Variants in SUPV3L1 observed in about 807,000 individuals in gnomAD.
SUPV3L1 encodes Suv3 like RNA helicase, also known as ATP-dependent RNA helicase SUPV3L1, mitochondrial.
Under a neutral mutation model 70.0 loss-of-function variants are expected in SUPV3L1, and 35 were observed. The ratio of observed to expected loss-of-function variants is 0.50; its 90% CI spans 0.38 to 0.66. SUPV3L1 has a LOEUF of 0.66. SUPV3L1 is among the 30% of genes least tolerant of loss of function. The pLI is 0.00. For synonymous variants in SUPV3L1, 364 were observed against 341.9 expected (o/e 1.06, Z -0.71); for missense variants, 777 against 961.5 (o/e 0.81, Z 2.54).
At chr10:69,195,292 C>A in intron 7 of SUPV3L1, 27 bp downstream of exon 7, 1 of 1,567,614 alleles carries the variant, frequency 6.4e-7, no homozygotes, top group Non-Finnish European at 8.7e-7. Flanking sequence ...CTATAAAACC[C>A]GTGCTTTATG....
intron 10 of SUPV3L1, 26 bp downstream of exon 10, chr10:69,199,223 G>A: frequency 6.4e-7 from 1 of 1,563,168 alleles, no homozygotes; most frequent in Non-Finnish European, 8.7e-7. Flanking sequence ...TTAATAAGAT[G>A]AATATTTGGT....
chr10:69,201,127 G>A (rs1320984543), intron 11 of SUPV3L1, among the ~76,000 whole-genome samples: 1 of 152,174 alleles, frequency 6.6e-6, no homozygotes, highest in Non-Finnish European at 1.5e-5. Flanking sequence ...TCCAGGGGAA[G>A]GCTGTGCTGG....
At chr10:69,189,643 A>G (rs1355243951) in intron 5 of SUPV3L1, among the ~76,000 whole-genome samples, 1 of 112,916 alleles carries the variant, frequency 8.9e-6, no homozygotes, top group Admixed American at 1.1e-4. Flanking sequence ...CATGCTATCA[A>G]TTCTTTTTTT....
At chr10:69,191,587 C>G in intron 5 of SUPV3L1, 68 bp from the exon 6 acceptor site, 1 of 1,339,158 alleles carries the variant, frequency 7.5e-7, no homozygotes, top group Non-Finnish European at 1.1e-6. Context: ...AGAGAACACC[C>G]TGTTAAATAT....
At chr10:69,185,151 T>G (rs1213593519) in intron 1 of SUPV3L1, among the ~76,000 whole-genome samples, 1 of 152,220 alleles carries the variant, frequency 6.6e-6, no homozygotes, top group Non-Finnish European at 1.5e-5. Flanking sequence ...GTTCTAATTG[T>G]TAGGAAGTTC....
chr10:69,196,889 G>A, intron 7 of SUPV3L1, 103 bp from the exon 8 acceptor site: 1 of 944,904 alleles, frequency 1.1e-6, no homozygotes, highest in South Asian at 1.5e-5. Context: ...TGGTAAGGTT[G>A]TAAAGCAATA....
Position 69,187,627 on chromosome 10 carries a change from T to C in SUPV3L1, c.458-15T>C. 1 of 1,526,224 alleles carries C rather than the reference T, an allele frequency of 6.6e-7. No homozygotes were observed. Among genetic ancestry groups the C allele is most frequent in the South Asian group, 1.2e-5 (1 of 85,468 alleles). 94.5% of individuals were successfully genotyped at this position (1,526,224 alleles called of 1,614,324 possible). ...ATGTAGATTGCACATGTTAATACAG[T>C]GTTTTATTTTCCAGCTCATGCGGAT... On this transcript the variant is annotated splice_polypyrimidine_tract_variant and intron_variant, in intron 3 of 14. Transcript: ENST00000359655.
At chr10:69,196,956 T>C in intron 7 of SUPV3L1, 36 bp from the exon 8 acceptor site, 1 of 1,554,902 alleles carries the variant, frequency 6.4e-7, no homozygotes, top group East Asian at 2.2e-5. Context: ...TAATTATAAA[T>C]CTTTAAAATT....
chr10:69,190,775 G>T (rs997420811), intron 5 of SUPV3L1, among the ~76,000 whole-genome samples: 4 of 152,168 alleles, frequency 2.6e-5, no homozygotes, highest in Non-Finnish European at 4.4e-5. Context: ...GGTCAGTTGT[G>T]TTGTGAACTG....
intron 5 of SUPV3L1, among the ~76,000 whole-genome samples, 181 bp from the exon 6 acceptor site, chr10:69,191,474 A>G (rs1412506084): frequency 2.0e-5 from 3 of 151,864 alleles, no homozygotes; most frequent in African/African-American, 7.3e-5. Context: ...TGATCTGCCC[A>G]CCTCAGCCTC....
At chr10:69,205,586 T>G (rs1842804675) in intron 13 of SUPV3L1, among the ~76,000 whole-genome samples, 2 of 152,188 alleles carry the variant, frequency 1.3e-5, no homozygotes, top group South Asian at 4.1e-4. Flanking sequence ...CAAGCTGGAG[T>G]GCAGTGGTAT....
At chr10:69,189,044 A>T (rs112523668) in intron 4 of SUPV3L1, among the ~76,000 whole-genome samples, 349 of 152,346 alleles carry the variant, frequency 2.3e-3, no homozygotes, top group African/African-American at 7.8e-3. Flanking sequence ...TTTCCAAGAC[A>T]TTAATTTGCA....
rs1019409909 is a variant in SUPV3L1, at chr10:69,187,838, T to C, written c.572+82T>C. ...TGGTCATTATTTTTTTTTATTGTAT[T>C]CTAGATAACAAATTATAAGGAGTCT... On this transcript the variant is annotated intron_variant, in intron 4 of 14. Transcript: ENST00000359655. 3.0e-5 allele frequency: 27 copies of C among 909,518 alleles called. No individual in the cohort carries two copies. In the African/African-American group the frequency reaches 4.4e-4, roughly 15 times the overall value. 56.3% of individuals were successfully genotyped at this position (909,518 alleles called of 1,614,324 possible).
Position 69,208,967 on chromosome 10 carries a change from GA to G in SUPV3L1, c.2299del (p.Thr767GlnfsTer?). On this transcript the variant is annotated frameshift_variant, in exon 15 of 15. Coordinates refer to ENST00000359655, the MANE Select transcript of SUPV3L1 (RefSeq NM_003171.5). LOFTEE classifies it high-confidence loss of function. ...GACACAACAAACTGAACACAACAAAGAAAAAACAGAGTCTGGGACTCATCCA... is the reference window on the plus strand; with the variant it reads ...GACACAACAAACTGAACACAACAAAGAAAAACAGAGTCTGGGACTCATCCA... ...WMTQQTEHNK[E>X]KTESGTHPKG... 6.2e-7 allele frequency: 1 copy of G among 1,610,236 alleles called. No individual in the cohort carries two copies. Among genetic ancestry groups the G allele is most frequent in the Non-Finnish European group, 8.5e-7 (1 of 1,179,178 alleles).
rs777911209 is a variant in SUPV3L1, at chr10:69,207,961, A to G, written c.1925+20A>G. ...GCTAAGGTACCAACATTTTTCCTTT[A>G]TGTGCTCTCATTTTTCTAGTAGGAC... On this transcript the variant is annotated intron_variant, in intron 14 of 14. Coordinates refer to ENST00000359655, the MANE Select transcript of SUPV3L1 (RefSeq NM_003171.5). The G allele has an allele frequency of 1.9e-6, 3 of 1,605,496 alleles. No individual in the cohort carries two copies. The highest frequency in any genetic ancestry group is 2.5e-6 in the Non-Finnish European group (3 of 1,176,664).
intron 7 of SUPV3L1, among the ~76,000 whole-genome samples, chr10:69,195,868 G>A (rs369384979): frequency 6.6e-6 from 1 of 151,830 alleles, no homozygotes; most frequent in Non-Finnish European, 1.5e-5. Flanking sequence ...TCAGTCTCCC[G>A]AGCAGCTGGG....
intron 1 of SUPV3L1, among the ~76,000 whole-genome samples, chr10:69,183,851 A>G (rs964824783): frequency 6.7e-6 from 1 of 149,568 alleles, no homozygotes; most frequent in African/African-American, 2.5e-5. Context: ...TCTGTTAGCA[A>G]GTCACTCTCT....
intron 5 of SUPV3L1, 28 bp downstream of exon 5, chr10:69,189,463 T>A (rs758460535): frequency 6.5e-7 from 1 of 1,546,562 alleles, no homozygotes; most frequent in South Asian, 1.2e-5. Flanking sequence ...TATTTGCTCA[T>A]TTTTTTCTTA....
At chr10:69,189,230 G>A in intron 4 of SUPV3L1, 37 bp from the exon 5 acceptor site, 1 of 1,575,502 alleles carries the variant, frequency 6.3e-7, no homozygotes, top group Non-Finnish European at 8.6e-7. Flanking sequence ...GGATTTTGAG[G>A]TTAATGGATT....
Sources: gnomAD v4.1 joint callset for allele counts (sites outside exome capture counted in the v4.1 genomes callset) on GRCh38, gnomAD v4.1.1 for gene constraint, MANE v1.5 for transcripts, NCBI Gene and HGNC (gene_info 2026-07-23, HGNC 2026-07-21) for gene names.